The following KATNAL2 variants were observed in gnomAD, a reference collection of about 807,000 sequenced individuals.
The protein encoded by KATNAL2 is katanin catalytic subunit A1 like 2, also known as katanin p60 ATPase-containing subunit A-like 2.
Under a neutral mutation model 76.3 loss-of-function variants are expected in KATNAL2, and 52 were observed. The ratio of observed to expected loss-of-function variants is 0.68; its 90% CI spans 0.55 to 0.86. The LOEUF (loss-of-function observed/expected upper bound fraction) is 0.86, where lower values mean the gene tolerates loss of function less well. Among genes scored for constraint, KATNAL2 ranks in the 40% least tolerant of loss-of-function variants. The pLI is 0.00. For missense variants in KATNAL2, 660 were observed against 668.9 expected, an observed-to-expected ratio of 0.99 and a Z score of 0.15; for synonymous variants, 243 against 244.2, an observed-to-expected ratio of 1.00 and a Z score of 0.05.
chr18:46,921,594 A>T (rs1041519681), intron 1 of KATNAL2, among the ~76,000 whole-genome samples: 1 of 152,104 alleles, frequency 6.6e-6, no homozygotes, highest in African/African-American at 2.4e-5. Flanking sequence ...GATCAGGTGT[A>T]TGAGTGTACT....
chr18:47,065,378 G>A (rs1009117974), intron 10 of KATNAL2, among the ~76,000 whole-genome samples: 1 of 150,416 alleles, frequency 6.6e-6, no homozygotes, highest in Non-Finnish European at 1.5e-5. Flanking sequence ...GCATTAGCTG[G>A]TATATGTGGG....
chr18:47,098,171 A>T, intron 15 of KATNAL2: 1 of 334,670 alleles, frequency 3.0e-6, no homozygotes, highest in Non-Finnish European at 5.8e-6. Context: ...CTTTTATATT[A>T]GCTTGAAAGC....
intron 3 of KATNAL2, chr18:47,035,025 G>T (rs528023078): frequency 6.2e-7 from 1 of 1,611,700 alleles, no homozygotes; most frequent in South Asian, 1.1e-5. Flanking sequence ...GGGTGTTTCG[G>T]TCCACGAGCA....
chr18:47,052,026 G>T (rs922678695), intron 4 of KATNAL2, among the ~76,000 whole-genome samples: 2 of 152,180 alleles, frequency 1.3e-5, no homozygotes, highest in Admixed American at 1.3e-4. Flanking sequence ...CTGAATCTGG[G>T]GTCCTTGGAT....
chr18:47,034,423 G>A lies in KATNAL2; in HGVS notation c.52-12034G>A, dbSNP rs748271311. ...GCCAGCTTGCCCCCCTTCCTTGTCTGTCTTGAAGTCCGAAGGCTGCCTGTC... is the reference window on the plus strand; with the variant it reads ...GCCAGCTTGCCCCCCTTCCTTGTCTATCTTGAAGTCCGAAGGCTGCCTGTC... On this transcript the variant is annotated intron_variant, in intron 3 of 17. Transcript: ENST00000683218. 11 of 1,614,094 alleles carry A rather than the reference G, an allele frequency of 6.8e-6. No homozygotes were observed. The Admixed American group carries it at 1.7e-4, about 24-fold the overall frequency.
At chr18:46,926,165 A>C in intron 1 of KATNAL2, among the ~76,000 whole-genome samples, 1 of 151,898 alleles carries the variant, frequency 6.6e-6, no homozygotes. Flanking sequence ...TAGTTCTTTT[A>C]ATTGTGATGT....
intron 3 of KATNAL2, chr18:47,033,667 C>A (rs72921303): frequency 0.015 from 24,718 of 1,614,218 alleles, 225 homozygotes; most frequent in Admixed American, 0.019. Context: ...CACCTGGGCA[C>A]ACTGCTGGCG....
At chr18:47,071,892 CA>C (rs1207605458) in intron 13 of KATNAL2, among the ~76,000 whole-genome samples, 11 of 70,662 alleles carry the variant, frequency 1.6e-4, no homozygotes, top group African/African-American at 5.7e-5. Context: ...GGAGTGGGAG[CA>C]AAAAAAATTA....
intron 11 of KATNAL2, among the ~76,000 whole-genome samples, chr18:47,068,151 C>A (rs1267075833): frequency 6.6e-6 from 1 of 152,222 alleles, no homozygotes; most frequent in Non-Finnish European, 1.5e-5. Flanking sequence ...GTCACAGGGC[C>A]AGGCCCAGAT....
Position 47,070,888 on chromosome 18 carries a change from G to A in KATNAL2, c.1008+1288G>A, listed in dbSNP as rs146347078. ...CTTCTATTTCTTTGTTCTTCATCTT[G>A]CATCTAACTCAGTGCCAGTTCCGAA... On this transcript the variant is annotated intron_variant, in intron 13 of 17. Coordinates refer to ENST00000683218, the MANE Select transcript of KATNAL2 (RefSeq NM_001387690.1). Among the ~76,000 whole-genome samples, 138 of 152,168 alleles carry A rather than the reference G, an allele frequency of 9.1e-4. 1 individual carries two copies. The East Asian group carries it at 0.02, about 22-fold the overall frequency.
chr18:47,072,540 G>A lies in KATNAL2; in HGVS notation c.1009-2737G>A, dbSNP rs2147217958. Among the ~76,000 whole-genome samples the A allele has an allele frequency of 1.3e-5, 2 of 152,236 alleles. 1 individual carries two copies. Among genetic ancestry groups the A allele is most frequent in the South Asian group, 4.2e-4 (2 of 4,812 alleles). On this transcript the variant is annotated intron_variant, in intron 13 of 17. Transcript: ENST00000683218. ...AGCTGACTGCAGCCTCGACCTCCTG[G>A]GCTCAAGTAATCTTCCCACCTCAGC...
intron 3 of KATNAL2, among the ~76,000 whole-genome samples, chr18:46,948,659 C>G (rs2059455419): frequency 6.6e-6 from 1 of 151,924 alleles, no homozygotes; most frequent in Non-Finnish European, 1.5e-5. Flanking sequence ...AACTCCTGAC[C>G]TCAGGTGATC....
At chr18:47,055,728 C>T (rs986300486) in intron 6 of KATNAL2, among the ~76,000 whole-genome samples, 1 of 152,174 alleles carries the variant, frequency 6.6e-6, no homozygotes, top group African/African-American at 2.4e-5. Context: ...CAGCCAGCTT[C>T]GGAAGGCTTT....
chr18:47,097,097 C>A (rs376142175), intron 15 of KATNAL2, among the ~76,000 whole-genome samples: 13 of 118,440 alleles, frequency 1.1e-4, no homozygotes, highest in Non-Finnish European at 1.7e-4. Flanking sequence ...CCAGCCTGGG[C>A]AACAGAGGAA....
At chr18:46,923,923 T>C (rs2146499322) in intron 1 of KATNAL2, among the ~76,000 whole-genome samples, 1 of 152,296 alleles carries the variant, frequency 6.6e-6, no homozygotes, top group South Asian at 2.1e-4. Flanking sequence ...GATAGGGTTG[T>C]TTGTTTTTTT....
intron 15 of KATNAL2, chr18:47,084,326 C>G: frequency 1.4e-6 from 1 of 702,898 alleles, no homozygotes; most frequent in East Asian, 2.7e-5. Context: ...CTTGTTCTTT[C>G]CATAGTAACC....
intron 3 of KATNAL2, among the ~76,000 whole-genome samples, chr18:47,041,005 T>C (rs1313844875): frequency 6.6e-6 from 1 of 152,162 alleles, no homozygotes; most frequent in Non-Finnish European, 1.5e-5. Flanking sequence ...TAAACATCCA[T>C]TTAAAAGCAG....
At chr18:47,080,187 T>C (rs1375424087) in intron 15 of KATNAL2, among the ~76,000 whole-genome samples, 1 of 152,210 alleles carries the variant, frequency 6.6e-6, no homozygotes, top group Admixed American at 6.5e-5. Context: ...TAGTTGTGAG[T>C]TGATGCCACA....
intron 1 of KATNAL2, among the ~76,000 whole-genome samples, chr18:46,928,131 G>A (rs1435346424): frequency 4.6e-5 from 7 of 152,212 alleles, no homozygotes; most frequent in Admixed American, 6.5e-5. Context: ...CTGGTGAGGA[G>A]CTGCGTTCCT....
Sources: gnomAD v4.1 joint callset for allele counts (sites outside exome capture counted in the v4.1 genomes callset) on GRCh38, gnomAD v4.1.1 for gene constraint, MANE v1.5 for transcripts, NCBI Gene and HGNC (gene_info 2026-07-23, HGNC 2026-07-21) for gene names.